Variants in BDNF observed in about 807,000 individuals in gnomAD.
BDNF encodes the protein brain derived neurotrophic factor.
In BDNF, 1 loss-of-function variant was observed where a neutral mutation model predicts 19.5. The ratio of observed to expected loss-of-function variants is 0.05; its 90% CI spans 0.02 to 0.24. The LOEUF is 0.24. Ranked by LOEUF, BDNF falls within the 10% of genes least tolerant of loss-of-function variation. The pLI is 1.00. For synonymous variants in BDNF, 100 were observed against 121.6 expected, an observed-to-expected ratio of 0.82 and a Z score of 1.17; for missense variants, 195 against 317.6, an observed-to-expected ratio of 0.61 and a Z score of 2.93.
chr11:27,672,111 G>C (rs1238636762), intron 1 of BDNF, among the ~76,000 whole-genome samples: 2 of 152,070 alleles, frequency 1.3e-5, no homozygotes, highest in African/African-American at 2.4e-5. Flanking sequence ...TTTTACTTAA[G>C]TAAAATCTGG....
At chr11:27,665,184 A>G (rs189323536) in intron 1 of BDNF, 13 of 152,322 alleles carry the variant, frequency 8.5e-5, no homozygotes, top group African/African-American at 3.1e-4. Flanking sequence ...TTGAAACCAT[A>G]TAATATTTAC....
chr11:27,667,275 C>T (rs1854516916), intron 1 of BDNF, among the ~76,000 whole-genome samples: 1 of 152,140 alleles, frequency 6.6e-6, no homozygotes, highest in East Asian at 1.9e-4. Flanking sequence ...AAGCACTAAA[C>T]ATGGAAAGGA....
intron 1 of BDNF, among the ~76,000 whole-genome samples, chr11:27,689,148 G>C (rs893733863): frequency 1.3e-5 from 2 of 152,156 alleles, no homozygotes; most frequent in Non-Finnish European, 2.9e-5. Context: ...TCCTGCTCCA[G>C]GTCTCACATT....
At chr11:27,683,014 C>T (rs1857037317) in intron 1 of BDNF, among the ~76,000 whole-genome samples, 1 of 152,186 alleles carries the variant, frequency 6.6e-6, no homozygotes, top group South Asian at 2.1e-4. Flanking sequence ...AACTAATTTA[C>T]ACTCCCACCA....
intron 1 of BDNF, among the ~76,000 whole-genome samples, chr11:27,692,407 T>C (rs758447975): frequency 1.3e-5 from 2 of 152,146 alleles, no homozygotes; most frequent in African/African-American, 2.4e-5. Context: ...AGTGGGACAA[T>C]CACGGCTCAC....
chr11:27,706,556 T>C (rs1465413988), intron 1 of BDNF, among the ~76,000 whole-genome samples: 1 of 152,230 alleles, frequency 6.6e-6, no homozygotes, highest in Non-Finnish European at 1.5e-5. Flanking sequence ...ACTTTTCTCG[T>C]AGCAAAAGAT....
intron 1 of BDNF, among the ~76,000 whole-genome samples, chr11:27,666,307 A>G (rs1453496275): frequency 6.6e-6 from 1 of 152,192 alleles, no homozygotes; most frequent in Non-Finnish European, 1.5e-5. Flanking sequence ...TAAAACCAAT[A>G]AGATGGGGAG....
At chr11:27,677,333 A>G (rs1037285966) in intron 1 of BDNF, 5 of 152,252 alleles carry the variant, frequency 3.3e-5, no homozygotes, top group African/African-American at 7.2e-5. Context: ...ACTTCTGGGA[A>G]TAATTGACAG....
chr11:27,690,124 A>C (rs1292515608), intron 1 of BDNF, among the ~76,000 whole-genome samples: 1 of 152,234 alleles, frequency 6.6e-6, no homozygotes, highest in Non-Finnish European at 1.5e-5. Context: ...ATACTTGATA[A>C]GGCAATCCTG....
chr11:27,705,960 T>C (rs1210632875), intron 1 of BDNF, among the ~76,000 whole-genome samples: 1 of 152,218 alleles, frequency 6.6e-6, no homozygotes, highest in African/African-American at 2.4e-5. Flanking sequence ...ATGGTGACAC[T>C]TGCAAATTTG....
chr11:27,693,987 AAAAG>A (rs1448974059), intron 1 of BDNF, among the ~76,000 whole-genome samples: 7 of 152,094 alleles, frequency 4.6e-5, no homozygotes, highest in African/African-American at 1.4e-4. Context: ...TTTTTTCTGA[AAAAG>A]AAAGTTTTCT....
At chr11:27,713,179 G>A (rs1432815229) in intron 1 of BDNF, among the ~76,000 whole-genome samples, 9 of 152,266 alleles carry the variant, frequency 5.9e-5, no homozygotes, top group Middle Eastern at 3.4e-3. Flanking sequence ...GATTACAGGC[G>A]TTAGCCACCA....
At chr11:27,684,964 A>G (rs897540883) in intron 1 of BDNF, among the ~76,000 whole-genome samples, 18 of 152,172 alleles carry the variant, frequency 1.2e-4, no homozygotes, top group African/African-American at 2.4e-4. Context: ...GAATAGTTTC[A>G]GAAGGAATGG....
rs1354925566 is a variant in BDNF, at chr11:27,658,051, C to A, written c.514G>T (p.Val172Leu). Residue 172 changes from valine (V) to leucine (L), a missense_variant, in exon 2 of 2, where the codon GTA becomes TTA. Val to Leu is a conservative substitution (Grantham distance 32, BLOSUM62 1). Coordinates refer to ENST00000356660, the MANE Select transcript of BDNF (RefSeq NM_001709.5). The surrounding 1 kb of genome is among the most constrained non-coding windows in gnomAD (Gnocchi z 5.7). The part of the protein sequence containing the change: ...GTVTVLEKVP[V>L]SKGQLKQYFY... ...TATTGCTTCAGTTGGCCTTTTGATACAGGGACCTTTTCAAGGACTGTGACC... is the reference window on the plus strand; with the variant it reads ...TATTGCTTCAGTTGGCCTTTTGATAAAGGGACCTTTTCAAGGACTGTGACC... 6.2e-7 allele frequency: 1 copy of A among 1,614,102 alleles called. No homozygotes were observed. The highest frequency in any genetic ancestry group is 1.1e-5 in the South Asian group (1 of 91,082).
At chr11:27,709,474 AAT>A (rs1312936412) in intron 1 of BDNF, among the ~76,000 whole-genome samples, 1 of 152,214 alleles carries the variant, frequency 6.6e-6, no homozygotes, top group Non-Finnish European at 1.5e-5. Context: ...ATGTTTTAGT[AAT>A]AATCTGTTTT....
rs975634524 is a variant in BDNF, at chr11:27,700,438, C to T, written c.-296G>A. 6 of 984,536 alleles carry T rather than the reference C, an allele frequency of 6.1e-6. No homozygotes were observed. The African/African-American group carries it at 1.1e-4, about 17-fold the overall frequency. 61.0% of individuals were successfully genotyped at this position (984,536 alleles called of 1,614,324 possible). A position where few individuals can be genotyped will look rare whatever the true frequency, so the allele number is the denominator to read the frequency against. ...GGCGCGGCGGCGGCAGCGTCGGGGA[C>T]CCGGAGCTCCAGGCTGCGCCTTGCG... On this transcript the variant is annotated 5_prime_UTR_variant, in exon 1 of 2. Coordinates refer to ENST00000356660, the MANE Select transcript of BDNF (RefSeq NM_001709.5).
intron 1 of BDNF, chr11:27,659,535 G>C: frequency 4.0e-6 from 4 of 1,000,292 alleles, no homozygotes; most frequent in Non-Finnish European, 4.8e-6. Flanking sequence ...ATCTCCTCCA[G>C]TTCTCTAAAA....
intron 1 of BDNF, among the ~76,000 whole-genome samples, chr11:27,665,608 C>T (rs1159747555): frequency 6.6e-6 from 1 of 152,206 alleles, no homozygotes; most frequent in Non-Finnish European, 1.5e-5. Flanking sequence ...AAACGGCACA[C>T]CAGGAGATTA....
intron 1 of BDNF, among the ~76,000 whole-genome samples, chr11:27,697,162 CACAG>C (rs1171035879): frequency 0.018 from 2,289 of 125,106 alleles, 53 homozygotes; most frequent in African/African-American, 0.057. Context: ...CACACACACA[CACAG>C]AGAGAGAGAG....
Sources: gnomAD v4.1 joint callset for allele counts (sites outside exome capture counted in the v4.1 genomes callset) on GRCh38, gnomAD v4.1.1 for gene constraint, Gnocchi (gnomAD v3.1) non-coding constraint, MANE v1.5 for transcripts, NCBI Gene and HGNC (gene_info 2026-07-23, HGNC 2026-07-21) for gene names.